The following BCAS3 variants were observed in gnomAD, a reference collection of about 807,000 sequenced individuals.
BCAS3 encodes BCAS4/BCAS3 fusion.
BCAS3 carries 53 observed loss-of-function variants against 116.1 expected under a neutral mutation model. The observed-to-expected ratio is 0.46, with a 90% CI of 0.37 to 0.57. BCAS3 has a LOEUF of 0.57. Among genes scored for constraint, BCAS3 ranks in the 20% least tolerant of loss-of-function variants. The pLI, the probability that BCAS3 is intolerant of heterozygous loss-of-function variation, is 0.00. For missense variants in BCAS3, 917 were observed against 1,165.4 expected (o/e 0.79, Z 3.10); for synonymous variants, 391 against 408.2 (o/e 0.96, Z 0.51).
intron 14 of BCAS3, among the ~76,000 whole-genome samples, chr17:60,981,662 A>G (rs1480597557): frequency 6.6e-6 from 1 of 152,194 alleles, no homozygotes; most frequent in Non-Finnish European, 1.5e-5. Flanking sequence ...TGAGGACAAT[A>G]ATAATAATAG....
chr17:60,943,136 T>G (rs528939852), intron 13 of BCAS3, among the ~76,000 whole-genome samples: 1 of 152,140 alleles, frequency 6.6e-6, no homozygotes, highest in African/African-American at 2.4e-5. Flanking sequence ...TCATAAAAAT[T>G]GAATATTCCA....
chr17:60,884,693 C>T (rs1355754405), intron 9 of BCAS3, among the ~76,000 whole-genome samples: 13 of 143,138 alleles, frequency 9.1e-5, no homozygotes, highest in Non-Finnish European at 1.5e-4. Context: ...GCCTTCATTT[C>T]GTTATGTACC....
At chr17:60,771,795 A>G (rs1598605730) in intron 6 of BCAS3, among the ~76,000 whole-genome samples, 3 of 148,360 alleles carry the variant, frequency 2.0e-5, no homozygotes, top group Admixed American at 6.6e-5. Context: ...GAGTGAGAAC[A>G]TGCAGTGTTT....
At chr17:61,263,598 A>C (rs753709466) in intron 22 of BCAS3, among the ~76,000 whole-genome samples, 1 of 152,184 alleles carries the variant, frequency 6.6e-6, no homozygotes, top group Non-Finnish European at 1.5e-5. Flanking sequence ...TTTTCATAGT[A>C]TTTTTCAAGG....
At position 61,380,611 on chromosome 17, in the gene BCAS3, T is replaced by A; in HGVS notation, c.2594-11366T>A. 6.4e-7 allele frequency: 1 copy of A among 1,573,548 alleles called. No homozygotes were observed. The stretch of plus-strand genomic sequence containing the variant: ...ATCTTTGCCTATGTGGAAGGGGTTG[T>A]CCCGTTGCTTCTTTTGTCCCTCAAG... On this transcript the variant is annotated intron_variant, in intron 23 of 23. Coordinates refer to ENST00000407086, the MANE Select transcript of BCAS3 (RefSeq NM_017679.5). The surrounding 1 kb of genome is among the most constrained non-coding windows in gnomAD (Gnocchi z 4.2).
At chr17:61,033,051 A>G (rs1472641070) in intron 16 of BCAS3, among the ~76,000 whole-genome samples, 2 of 152,194 alleles carry the variant, frequency 1.3e-5, no homozygotes, top group African/African-American at 4.8e-5. Flanking sequence ...AAAATGTCAT[A>G]GGAACTGGGA....
At chr17:61,264,004 C>A (rs555219937) in intron 22 of BCAS3, among the ~76,000 whole-genome samples, 44 of 152,254 alleles carry the variant, frequency 2.9e-4, no homozygotes, top group African/African-American at 1.0e-3. Context: ...TCGACATAAT[C>A]CTATCAGCGG....
intron 7 of BCAS3, among the ~76,000 whole-genome samples, chr17:60,842,904 C>G (rs1304995997): frequency 6.7e-6 from 1 of 150,266 alleles, no homozygotes; most frequent in Non-Finnish European, 1.5e-5. Flanking sequence ...CAGGGTCTTG[C>G]TCTGTTGCCC....
rs62069583 is a variant in BCAS3, at chr17:61,177,252, A to G, written c.2425+92688A>G. The stretch of plus-strand genomic sequence containing the variant: ...TTTGTCCATATAAGAACCGTACATG[A>G]AAGTTTAGTATCAGCTATATACACT... On this transcript the variant is annotated intron_variant, in intron 22 of 23. Coordinates refer to ENST00000407086, the MANE Select transcript of BCAS3 (RefSeq NM_017679.5). Among the ~76,000 whole-genome samples the G allele has an allele frequency of 2.2e-3, 342 of 152,352 alleles. 1 individual carries two copies. The highest frequency in any genetic ancestry group is 0.013 in the South Asian group (65 of 4,824).
Position 61,083,811 on chromosome 17 carries a change from G to A in BCAS3, c.2328-656G>A, listed in dbSNP as rs2072858974. On this transcript the variant is annotated intron_variant, in intron 21 of 23. Coordinates refer to ENST00000407086, the MANE Select transcript of BCAS3 (RefSeq NM_017679.5). This position sits in a 1 kb window ranked among gnomAD's most constrained non-coding sequence, Gnocchi z 4.9. ...GGGCTTCACCGTGTTAGCCAGGATG[G>A]ATGTTTATTATTCTTAAGCAACTTT... is the stretch of plus-strand genomic sequence containing the variant. 1.3e-5 allele frequency among the ~76,000 whole-genome samples: 2 copies of A among 151,940 alleles called. No individual in the cohort carries two copies. Among genetic ancestry groups the A allele is most frequent in the African/African-American group, 4.8e-5 (2 of 41,354 alleles).
chr17:61,079,387 A>G (rs770734265), intron 21 of BCAS3, among the ~76,000 whole-genome samples: 10 of 152,176 alleles, frequency 6.6e-5, no homozygotes, highest in Non-Finnish European at 5.9e-5. Flanking sequence ...TTTTTATAAC[A>G]AGATGAAAAT....
At chr17:61,202,059 C>CTTTTTTTTTT (rs35961240) in intron 22 of BCAS3, among the ~76,000 whole-genome samples, 18 of 70,324 alleles carry the variant, frequency 2.6e-4, no homozygotes, top group East Asian at 4.2e-4. Flanking sequence ...TGCCCGGCCT[C>CTTTTTTTTTT]TTTTTTTTTT....
At chr17:61,293,795 C>T (rs1172948383) in intron 22 of BCAS3, among the ~76,000 whole-genome samples, 1 of 152,234 alleles carries the variant, frequency 6.6e-6, no homozygotes, top group Non-Finnish European at 1.5e-5. Flanking sequence ...GGGTCTCACT[C>T]TGTCACCCAG....
chr17:60,748,941 A>C (rs1290681208), intron 6 of BCAS3: 1 of 152,208 alleles, frequency 6.6e-6, no homozygotes, highest in Non-Finnish European at 1.5e-5. Context: ...GATTTTTAAA[A>C]AAGACTAGTC....
chr17:61,234,726 GC>G (rs2082892560), intron 22 of BCAS3, among the ~76,000 whole-genome samples: 1 of 148,358 alleles, frequency 6.7e-6, no homozygotes, highest in Non-Finnish European at 1.5e-5. Flanking sequence ...GCCTTTTCCA[GC>G]CAGCAGTCTT....
chr17:61,197,169 A>G (rs1454391676), intron 22 of BCAS3, among the ~76,000 whole-genome samples: 3 of 152,230 alleles, frequency 2.0e-5, no homozygotes, highest in East Asian at 3.8e-4. Context: ...GGTGAAGAGT[A>G]TATGACTTTC....
chr17:61,152,522 A>G (rs1017206172), intron 22 of BCAS3, among the ~76,000 whole-genome samples: 2 of 152,028 alleles, frequency 1.3e-5, no homozygotes, highest in Non-Finnish European at 2.9e-5. Flanking sequence ...GACTGAGCCT[A>G]TTTTTCTAGA....
intron 22 of BCAS3, among the ~76,000 whole-genome samples, chr17:61,236,136 CAAACAGA>C (rs1454098899): frequency 6.6e-6 from 1 of 152,106 alleles, no homozygotes; most frequent in Admixed American, 6.6e-5. Flanking sequence ...TCCTTGGGTG[CAAACAGA>C]AAAGTGCCAG....
Position 60,868,604 on chromosome 17 carries a change from C to G in BCAS3, c.505C>G (p.Leu169Val). 2 of 1,596,496 alleles carry G rather than the reference C, an allele frequency of 1.3e-6. No individual in the cohort carries two copies. The highest frequency in any genetic ancestry group is 1.7e-6 in the Non-Finnish European group (2 of 1,173,838). Residue 169 changes from leucine (L) to valine (V), a missense_variant, in exon 8 of 24, where the codon CTG (leucine) becomes GTG (valine). Leu to Val is a conservative substitution (Grantham distance 32). Coordinates refer to ENST00000407086, the MANE Select transcript of BCAS3 (RefSeq NM_017679.5). Reference protein sequence around the residue: ...GTSPPYCCVDLYSLRTGEMVK... With the variant: ...GTSPPYCCVDVYSLRTGEMVK... Reference sequence around the variant, plus strand: ...AAGCCCACCGTACTGTTGTGTGGATCTGTATTCACTTCGTACTGGGGAGAT... The same window carrying G: ...AAGCCCACCGTACTGTTGTGTGGATGTGTATTCACTTCGTACTGGGGAGAT...
Sources: allele counts gnomAD v4.1 joint callset (sites outside exome capture counted in the v4.1 genomes callset), GRCh38; gene constraint gnomAD v4.1.1; non-coding constraint Gnocchi (gnomAD v3.1); transcripts MANE v1.5; gene names NCBI Gene and HGNC (gene_info 2026-07-23, HGNC 2026-07-21).